Variants in UFL1 observed in about 807,000 individuals in gnomAD.
UFL1 encodes the protein UFM1 specific ligase 1.
A neutral mutation model predicts 99.3 loss-of-function variants in UFL1; 78 were observed. The ratio of observed to expected loss-of-function variants is 0.79; its 90% confidence interval spans 0.65 to 0.95. UFL1 has a LOEUF of 0.95. Ranked by LOEUF, UFL1 falls within the 40% of genes least tolerant of loss-of-function variation. The pLI is 0.00. For synonymous variants in UFL1, 335 were observed against 322.2 expected (o/e 1.04, Z -0.42); for missense variants, 936 against 937.0 (o/e 1.00, Z 0.01).
chr6:96,536,668 T>C (rs1000558548), intron 8 of UFL1, among the ~76,000 whole-genome samples: 5 of 151,800 alleles, frequency 3.3e-5, no homozygotes, highest in African/African-American at 9.7e-5. Flanking sequence ...ACAATTATAA[T>C]GTAAAAAGAC....
At chr6:96,526,709 C>A (rs78636454) in intron 5 of UFL1, among the ~76,000 whole-genome samples, 5,515 of 152,236 alleles carry the variant, frequency 0.036, 135 homozygotes, top group South Asian at 0.11. Flanking sequence ...TGCTTTGATG[C>A]AATTAGCAAA....
intron 15 of UFL1, among the ~76,000 whole-genome samples, chr6:96,551,084 T>A (rs563465162): frequency 6.6e-6 from 1 of 152,090 alleles, no homozygotes; most frequent in East Asian, 1.9e-4. Context: ...TTGATCTTTA[T>A]GAGTGGGGCC....
chr6:96,523,743 CAT>C (rs1769660433), intron 2 of UFL1, among the ~76,000 whole-genome samples: 1 of 152,100 alleles, frequency 6.6e-6, no homozygotes, highest in Admixed American at 6.5e-5. Flanking sequence ...CTACACCAAT[CAT>C]ATTGTATGAA....
At chr6:96,531,015 T>A (rs1769775020) in intron 6 of UFL1, among the ~76,000 whole-genome samples, 1 of 152,154 alleles carries the variant, frequency 6.6e-6, no homozygotes. Context: ...TCCTGTCAGA[T>A]CAGTGGCGGC....
chr6:96,525,533 T>C, intron 4 of UFL1, 139 bp downstream of exon 4: 1 of 691,174 alleles, frequency 1.4e-6, no homozygotes, highest in African/African-American at 1.9e-5. Flanking sequence ...ATGATAAGGT[T>C]TATTTCACTT....
rs201825366 is a variant in UFL1 at position 96,546,275 on chromosome 6, C to CAA, written c.1403-1876_1403-1875dup. Reference sequence around the variant, plus strand: ...AACTCAGTCTTATTTTTAATAGCTACAAAAAAAAAAAAAACTAGGAATACA... The same window carrying CAA: ...AACTCAGTCTTATTTTTAATAGCTACAAAAAAAAAAAAAAAACTAGGAATACA... On this transcript the variant is annotated intron_variant, in intron 12 of 18. Coordinates refer to ENST00000369278, the MANE Select transcript of UFL1 (RefSeq NM_015323.5). Among the ~76,000 whole-genome samples, 79 of 107,554 alleles carry CAA rather than the reference C, an allele frequency of 7.3e-4. No homozygotes were observed. The East Asian group carries it at 0.011, about 14-fold the overall frequency. The allele number at this position is 107,554 out of a possible 152,430, so 70.6% of individuals were successfully genotyped here.
chr6:96,522,662 GTAAC>G (rs1769635525), intron 1 of UFL1, among the ~76,000 whole-genome samples: 1 of 152,142 alleles, frequency 6.6e-6, no homozygotes, highest in Non-Finnish European at 1.5e-5. Flanking sequence ...AACTGCATGG[GTAAC>G]TAACGTGGGT....
intron 6 of UFL1, among the ~76,000 whole-genome samples, chr6:96,532,670 C>A (rs1769798736): frequency 6.6e-6 from 1 of 152,160 alleles, no homozygotes; most frequent in African/African-American, 2.4e-5. Context: ...TTATACATGT[C>A]TTCTCCTTTT....
intron 6 of UFL1, among the ~76,000 whole-genome samples, chr6:96,529,350 A>G (rs1769749329): frequency 6.6e-6 from 1 of 152,140 alleles, no homozygotes; most frequent in Non-Finnish European, 1.5e-5. Flanking sequence ...TATATCATCT[A>G]TCATGCTGTT....
chr6:96,537,940 G>C (rs1317005982), intron 9 of UFL1, among the ~76,000 whole-genome samples: 1 of 151,852 alleles, frequency 6.6e-6, no homozygotes, highest in Non-Finnish European at 1.5e-5. Flanking sequence ...GGCACGGATA[G>C]TGTTTACTTC....
At chr6:96,551,385 T>C in intron 15 of UFL1, 48 bp from the exon 16 acceptor site, 1 of 1,003,468 alleles carries the variant, frequency 1.0e-6, no homozygotes, top group Non-Finnish European at 1.5e-6. Context: ...TTATATCCAT[T>C]GCATGTCAAA....
chr6:96,536,686 T>C (rs988463580), intron 8 of UFL1, among the ~76,000 whole-genome samples: 4 of 151,732 alleles, frequency 2.6e-5, no homozygotes, highest in Admixed American at 2.6e-4. Context: ...GACTAAAAGC[T>C]GGTAGTAATC....
intron 7 of UFL1, among the ~76,000 whole-genome samples, chr6:96,535,098 G>T (rs970241325): frequency 7.2e-5 from 11 of 151,918 alleles, no homozygotes; most frequent in Non-Finnish European, 2.9e-5. Context: ...TCACAACTTT[G>T]TTCAGAATTT....
intron 4 of UFL1, 64 bp from the exon 5 acceptor site, chr6:96,526,252 CATAAA>C: frequency 7.4e-7 from 1 of 1,342,620 alleles, no homozygotes; most frequent in South Asian, 1.3e-5. Flanking sequence ...GGAAATTAAA[CATAAA>C]ATGAGGAAAC....
In UFL1 at chr6:96,526,514, A is replaced by G. The variant is rs561207317; in HGVS notation, c.465+79A>G. On this transcript the variant is annotated intron_variant, in intron 5 of 18. Transcript: ENST00000369278. ...AAGACTTTGAATGGAAGGGGGAAAAAAAAATGAGACTTCCTCACCATCATT... is the reference window on the plus strand; with the variant it reads ...AAGACTTTGAATGGAAGGGGGAAAAGAAAATGAGACTTCCTCACCATCATT... 64 of 1,096,610 alleles carry G rather than the reference A, an allele frequency of 5.8e-5. No individual in the cohort carries two copies. The East Asian group carries it at 1.1e-3, about 20-fold the overall frequency. The allele number at this position is 1,096,610 out of a possible 1,614,324, so 67.9% of individuals were successfully genotyped here.
chr6:96,526,745 T>C (rs1769709749), intron 5 of UFL1, among the ~76,000 whole-genome samples: 1 of 152,220 alleles, frequency 6.6e-6, no homozygotes, highest in Admixed American at 6.5e-5. Context: ...TGGATTTATT[T>C]AATGCTTTTG....
At chr6:96,527,052 T>G (rs149715404) in intron 5 of UFL1, among the ~76,000 whole-genome samples, 347 of 152,314 alleles carry the variant, frequency 2.3e-3, no homozygotes, top group African/African-American at 8.1e-3. Context: ...CTTTAGGTAT[T>G]TGTGTCAGTA....
chr6:96,542,443 C>T (rs961194074), intron 11 of UFL1, among the ~76,000 whole-genome samples: 3 of 151,110 alleles, frequency 2.0e-5, no homozygotes, highest in Non-Finnish European at 3.0e-5. Flanking sequence ...AATAATCTTT[C>T]AACAAAGAAG....
chr6:96,522,022 T>C (rs1384522970), intron 1 of UFL1, 72 bp downstream of exon 1: 4 of 1,501,844 alleles, frequency 2.7e-6, no homozygotes, highest in East Asian at 5.0e-5. Context: ...TCTGGGACTT[T>C]AGACCCGCGG....
Sources: gnomAD v4.1 joint callset for allele counts (sites outside exome capture counted in the v4.1 genomes callset) on GRCh38, gnomAD v4.1.1 for gene constraint, MANE v1.5 for transcripts, NCBI Gene and HGNC (gene_info 2026-07-23, HGNC 2026-07-21) for gene names.